The following MGAT4C variants were observed in gnomAD, a reference collection of about 807,000 sequenced individuals.
MGAT4C encodes alpha-1,3-mannosyl-glycoprotein 4-beta-N-acetylglucosaminyltransferase C.
MGAT4C carries 19 observed loss-of-function variants against 40.1 expected under a neutral mutation model. That is an observed-to-expected ratio of 0.47 (90% CI 0.33 to 0.70). The LOEUF is 0.70. Ranked by LOEUF, MGAT4C falls within the 30% of genes least tolerant of loss-of-function variation. MGAT4C has a pLI of 0.02. For synonymous variants in MGAT4C, 181 were observed against 187.1 expected (o/e 0.97, Z 0.27); for missense variants, 491 against 563.2 (o/e 0.87, Z 1.30).
At chr12:86,835,110 A>G (rs1953010103) in intron 1 of MGAT4C, among the ~76,000 whole-genome samples, 1 of 148,594 alleles carries the variant, frequency 6.7e-6, no homozygotes, top group Non-Finnish European at 1.5e-5. Flanking sequence ...AAGTAAAGAC[A>G]GACATGTGTT....
intron 2 of MGAT4C, among the ~76,000 whole-genome samples, chr12:86,518,977 A>T (rs1457691762): frequency 6.6e-6 from 1 of 152,230 alleles, no homozygotes; most frequent in Non-Finnish European, 1.5e-5. Flanking sequence ...CTTATATGCC[A>T]TTCTAGAAAA....
Position 85,956,344 on chromosome 12 carries a change from C to A in MGAT4C, c.*22945G>T, listed in dbSNP as rs1592571494. 1 of 152,140 alleles carries A rather than the reference C, an allele frequency of 6.6e-6. No individual in the cohort carries two copies. 9.4% of individuals were successfully genotyped at this position (152,140 alleles called of 1,614,324 possible). On this transcript the variant is annotated 3_prime_UTR_variant, in exon 5 of 5. Transcript: ENST00000611864. ...TTATTACTTGGTTTTGTTGAAAAAA[C>A]TAGGTGACTCATTTATGCTAACATG...
intron 2 of MGAT4C, among the ~76,000 whole-genome samples, chr12:85,991,899 C>G (rs528536360): frequency 6.6e-6 from 1 of 152,284 alleles, no homozygotes; most frequent in Non-Finnish European, 1.5e-5. Flanking sequence ...AGAGCAGGTC[C>G]TTGGAAGTTT....
chr12:86,226,960 T>C (rs1028877408), intron 1 of MGAT4C, among the ~76,000 whole-genome samples: 2 of 151,966 alleles, frequency 1.3e-5, no homozygotes, highest in African/African-American at 4.8e-5. Context: ...TTGTAGTTTA[T>C]ATTTATCACT....
At chr12:86,663,624 T>A (rs1359405917) in intron 2 of MGAT4C, among the ~76,000 whole-genome samples, 1 of 152,166 alleles carries the variant, frequency 6.6e-6, no homozygotes, top group African/African-American at 2.4e-5. Context: ...ACTATTCTTG[T>A]CTATATTGAC....
At chr12:86,609,972 AGAC>A (rs1962191220) in intron 2 of MGAT4C, among the ~76,000 whole-genome samples, 1 of 152,172 alleles carries the variant, frequency 6.6e-6, no homozygotes, top group Non-Finnish European at 1.5e-5. Context: ...ACAGTTGTCA[AGAC>A]TTATTATTCT....
chr12:86,367,697 G>A (rs1275391573), intron 3 of MGAT4C, among the ~76,000 whole-genome samples: 2 of 152,148 alleles, frequency 1.3e-5, no homozygotes, highest in African/African-American at 4.8e-5. Context: ...TCATCAGGAG[G>A]CTGAGGCAGG....
intron 2 of MGAT4C, among the ~76,000 whole-genome samples, chr12:86,556,677 T>C (rs1351765744): frequency 6.6e-6 from 1 of 152,192 alleles, no homozygotes; most frequent in Non-Finnish European, 1.5e-5. Flanking sequence ...GCATTAAGTA[T>C]AGGGTTTTAG....
At chr12:86,495,836 A>G (rs1565803318) in intron 2 of MGAT4C, among the ~76,000 whole-genome samples, 1 of 152,020 alleles carries the variant, frequency 6.6e-6, no homozygotes, top group African/African-American at 2.4e-5. Context: ...AACTCACCAG[A>G]TGACTACATC....
chr12:86,774,323 C>CTTTCTTTCTTTCTTTCTTTCTT (rs1192479432), intron 1 of MGAT4C, among the ~76,000 whole-genome samples: 6 of 97,044 alleles, frequency 6.2e-5, no homozygotes, highest in African/African-American at 7.2e-5. Context: ...TTCTTTCTTT[C>CTTTCTTTCTTTCTTTCTTTCTT]TTTCTTTCTT....
intron 1 of MGAT4C, among the ~76,000 whole-genome samples, chr12:86,759,853 GTTGA>G (rs1200114208): frequency 2.4e-4 from 37 of 152,076 alleles, no homozygotes; most frequent in African/African-American, 8.9e-4. Flanking sequence ...TCTTTTCTCT[GTTGA>G]TTATTTCCTT....
At chr12:86,838,222 T>C (rs929918867) in intron 1 of MGAT4C, among the ~76,000 whole-genome samples, 1 of 152,150 alleles carries the variant, frequency 6.6e-6, no homozygotes, top group African/African-American at 2.4e-5. Flanking sequence ...TACGCATCCA[T>C]GATACCAAAA....
At chr12:86,336,894 TATAACTTAATATTC>T (rs1954802562) in intron 3 of MGAT4C, among the ~76,000 whole-genome samples, 1 of 152,154 alleles carries the variant, frequency 6.6e-6, no homozygotes, top group Admixed American at 6.5e-5. Context: ...AGCAAGACAA[TATAACTTAATATTC>T]ACTGCCAAGG....
chr12:86,177,362 C>T (rs2135852681), intron 1 of MGAT4C, among the ~76,000 whole-genome samples: 1 of 152,154 alleles, frequency 6.6e-6, no homozygotes, highest in East Asian at 1.9e-4. Flanking sequence ...CTATCTTTAA[C>T]CATAAGTGAT....
chr12:85,997,051 A>G (rs1041439617), intron 2 of MGAT4C, among the ~76,000 whole-genome samples: 1 of 152,220 alleles, frequency 6.6e-6, no homozygotes, highest in Non-Finnish European at 1.5e-5. Flanking sequence ...GCAATTTACA[A>G]CAGAAAGAGG....
chr12:86,765,198 C>G (rs932988608), intron 1 of MGAT4C, among the ~76,000 whole-genome samples: 9 of 152,110 alleles, frequency 5.9e-5, no homozygotes, highest in Non-Finnish European at 1.2e-4. Flanking sequence ...AAAGCCAAGG[C>G]TCGAGAACTA....
At chr12:86,368,062 A>T (rs1248539702) in intron 3 of MGAT4C, among the ~76,000 whole-genome samples, 1 of 152,212 alleles carries the variant, frequency 6.6e-6, no homozygotes, top group Non-Finnish European at 1.5e-5. Flanking sequence ...AATTTGCTAA[A>T]ATAAAAATAA....
chr12:86,332,267 C>G (rs1286357270), intron 4 of MGAT4C, among the ~76,000 whole-genome samples: 1 of 152,128 alleles, frequency 6.6e-6, no homozygotes, highest in African/African-American at 2.4e-5. Flanking sequence ...TTAACTGCCA[C>G]TTTGCCATTT....
intron 2 of MGAT4C, among the ~76,000 whole-genome samples, chr12:86,566,949 G>T (rs1960155121): frequency 6.6e-6 from 1 of 151,866 alleles, no homozygotes; most frequent in African/African-American, 2.4e-5. Flanking sequence ...AAAGAAGTGT[G>T]GCAGTGGGCT....
Sources: gnomAD v4.1 joint callset for allele counts (sites outside exome capture counted in the v4.1 genomes callset) on GRCh38, gnomAD v4.1.1 for gene constraint, MANE v1.5 for transcripts, NCBI Gene and HGNC (gene_info 2026-07-23, HGNC 2026-07-21) for gene names.